SUMF1: variants seen among roughly 807,000 people sequenced by gnomAD.
SUMF1 encodes the protein formylglycine-generating enzyme.
In SUMF1, 48 loss-of-function variants were observed where a neutral mutation model predicts 47.6. The observed-to-expected ratio is 1.01, with a 90% CI of 0.80 to 1.28. SUMF1 has a LOEUF of 1.28. Ranked by LOEUF, SUMF1 falls within the 50% of genes most tolerant of loss-of-function variation. SUMF1 has a pLI of 0.00. For synonymous variants in SUMF1, 230 were observed against 192.1 expected, an observed-to-expected ratio of 1.20 and a Z score of -1.63; for missense variants, 571 against 485.4, an observed-to-expected ratio of 1.18 and a Z score of -1.66.
chr3:4,191,919 G>A (rs1695323456), intron 8 of SUMF1, among the ~76,000 whole-genome samples: 1 of 152,114 alleles, frequency 6.6e-6, no homozygotes, highest in African/African-American at 2.4e-5. Context: ...ATAACACAGA[G>A]GAAAGAGAGA....
chr3:4,324,934 A>C (rs1698911175), intron 8 of SUMF1, among the ~76,000 whole-genome samples: 1 of 152,064 alleles, frequency 6.6e-6, no homozygotes, highest in African/African-American at 2.4e-5. Flanking sequence ...GGTTTAATGG[A>C]CTCACAATTT....
chr3:4,236,110 AT>A (rs1426972257), intron 8 of SUMF1, among the ~76,000 whole-genome samples: 1 of 152,018 alleles, frequency 6.6e-6, no homozygotes, highest in Admixed American at 6.6e-5. Flanking sequence ...CATCTTGCTA[AT>A]TTTTTGTATA....
chr3:4,101,869 G>C (rs1574883538), intron 8 of SUMF1, among the ~76,000 whole-genome samples: 1 of 152,092 alleles, frequency 6.6e-6, no homozygotes, highest in East Asian at 1.9e-4. Context: ...ATTTATAAAG[G>C]AAAGAGGTTT....
intron 8 of SUMF1, among the ~76,000 whole-genome samples, chr3:4,142,256 C>T (rs767270800): frequency 6.6e-6 from 1 of 152,084 alleles, no homozygotes; most frequent in Non-Finnish European, 1.5e-5. Context: ...GCATTATCAG[C>T]TAGGTTTCTG....
chr3:4,192,645 T>C (rs1434904766), intron 8 of SUMF1, among the ~76,000 whole-genome samples: 1 of 152,136 alleles, frequency 6.6e-6, no homozygotes, highest in East Asian at 1.9e-4. Flanking sequence ...TCTTGATAGG[T>C]TCCTTGCATA....
At chr3:4,179,164 T>C (rs1319015316) in intron 8 of SUMF1, among the ~76,000 whole-genome samples, 1 of 152,130 alleles carries the variant, frequency 6.6e-6, no homozygotes, top group Non-Finnish European at 1.5e-5. Flanking sequence ...CTGACTTTCT[T>C]CACAGAATTG....
intron 8 of SUMF1, among the ~76,000 whole-genome samples, chr3:4,144,749 A>G (rs1377364835): frequency 6.6e-6 from 1 of 152,156 alleles, no homozygotes; most frequent in Non-Finnish European, 1.5e-5. Context: ...TCTTACCATT[A>G]GGTTTCACGT....
intron 8 of SUMF1, chr3:4,317,035 A>G: frequency 2.6e-6 from 4 of 1,549,416 alleles, no homozygotes; most frequent in Non-Finnish European, 3.5e-6. Context: ...CATCCACCGT[A>G]TTCACCTGAC....
At chr3:4,178,907 A>G (rs569633751) in intron 8 of SUMF1, among the ~76,000 whole-genome samples, 4 of 152,294 alleles carry the variant, frequency 2.6e-5, no homozygotes, top group South Asian at 4.1e-4. Context: ...ACAGACAAAC[A>G]AAGAGCCAAA....
chr3:4,324,850 C>A (rs1178797714), intron 8 of SUMF1, among the ~76,000 whole-genome samples: 5 of 152,004 alleles, frequency 3.3e-5, no homozygotes, highest in African/African-American at 1.2e-4. Context: ...TTTTACATTT[C>A]CCCCCTGTAT....
chr3:4,174,345 G>A (rs1343726116), intron 8 of SUMF1, among the ~76,000 whole-genome samples: 4 of 111,958 alleles, frequency 3.6e-5, no homozygotes, highest in Non-Finnish European at 5.4e-5. Context: ...GACAGAGCGA[G>A]ACTCCGTCTC....
chr3:4,157,008 C>A (rs182569944), intron 8 of SUMF1, among the ~76,000 whole-genome samples: 3 of 151,590 alleles, frequency 2.0e-5, no homozygotes, highest in Admixed American at 6.6e-5. Context: ...GACTTGGACA[C>A]ATCTGTCTGC....
chr3:4,383,467 A>G (rs1337326911), intron 7 of SUMF1, among the ~76,000 whole-genome samples: 2 of 152,170 alleles, frequency 1.3e-5, no homozygotes, highest in African/African-American at 4.8e-5. Flanking sequence ...GAAGTTATAA[A>G]TTGAGAGGCT....
At chr3:4,302,306 G>A (rs955734038) in intron 8 of SUMF1, among the ~76,000 whole-genome samples, 3 of 152,166 alleles carry the variant, frequency 2.0e-5, no homozygotes, top group Non-Finnish European at 4.4e-5. Context: ...GGCAGACAAC[G>A]AGAAGCGGGT....
In SUMF1 at chr3:4,362,325, A is replaced by G; in HGVS notation, c.1015-71T>C. 4.0e-6 allele frequency: 5 copies of G among 1,262,622 alleles called. No individual in the cohort carries two copies. The South Asian group carries it at 6.0e-5, about 15-fold the overall frequency. The allele number at this position is 1,262,622 out of a possible 1,614,324, so 78.2% of individuals were successfully genotyped here. ...CTGAAGGCTCTAACCCATCAGATGC[A>G]TATTGCACCGGCTGTAGACAGTGCT... On this transcript the variant is annotated intron_variant, in intron 8 of 8. Coordinates refer to ENST00000272902, the MANE Select transcript of SUMF1 (RefSeq NM_182760.4).
chr3:4,439,208 A>T (rs1452247921), intron 3 of SUMF1, among the ~76,000 whole-genome samples: 1 of 152,198 alleles, frequency 6.6e-6, no homozygotes, highest in Non-Finnish European at 1.5e-5. Context: ...AAACTTAAGA[A>T]GTCAAAAAAA....
At chr3:4,103,594 A>G (rs1693088273) in intron 8 of SUMF1, among the ~76,000 whole-genome samples, 1 of 152,158 alleles carries the variant, frequency 6.6e-6, no homozygotes, top group Non-Finnish European at 1.5e-5. Flanking sequence ...TTCTGCTTTG[A>G]ATAGCACAGT....
intron 9 of SUMF1, among the ~76,000 whole-genome samples, chr3:4,067,259 C>T (rs78574314): frequency 1.3e-5 from 2 of 152,248 alleles, no homozygotes; most frequent in African/African-American, 4.8e-5. Flanking sequence ...ACTCTCATCT[C>T]CACCCTTGGT....
intron 8 of SUMF1, among the ~76,000 whole-genome samples, chr3:4,326,275 C>CT (rs1698943247): frequency 6.6e-6 from 1 of 152,098 alleles, no homozygotes; most frequent in Non-Finnish European, 1.5e-5. Flanking sequence ...GGCCAATAGG[C>CT]TTTTTTTAAA....
Sources: gnomAD v4.1 joint callset for allele counts (sites outside exome capture counted in the v4.1 genomes callset) on GRCh38, gnomAD v4.1.1 for gene constraint, MANE v1.5 for transcripts, NCBI Gene and HGNC (gene_info 2026-07-23, HGNC 2026-07-21) for gene names.